The following ZMAT4 variants were observed in gnomAD, a reference collection of about 807,000 sequenced individuals.
ZMAT4 encodes zinc finger matrin-type 4.
A neutral mutation model predicts 28.7 loss-of-function variants in ZMAT4; 17 were observed. That is an observed-to-expected ratio of 0.59 (90% CI 0.41 to 0.89). The LOEUF is 0.89. ZMAT4 is among the 40% of genes least tolerant of loss of function. The probability of loss-of-function intolerance (pLI) is 0.00; values close to 1 mark genes in which losing one functional copy is unlikely to be tolerated. For synonymous variants in ZMAT4, 117 were observed against 109.2 expected (o/e 1.07, Z -0.44); for missense variants, 240 against 283.8 (o/e 0.85, Z 1.11).
chr8:40,896,437 G>A (rs1361487365), intron 1 of ZMAT4, among the ~76,000 whole-genome samples: 2 of 152,192 alleles, frequency 1.3e-5, no homozygotes, highest in African/African-American at 4.8e-5. Context: ...ATCAGCTTCA[G>A]AGTATCCCGC....
intron 5 of ZMAT4, among the ~76,000 whole-genome samples, chr8:40,603,729 C>T (rs535848058): frequency 1.2e-4 from 19 of 152,114 alleles, no homozygotes; most frequent in African/African-American, 3.4e-4. Context: ...CCAGAGTTCA[C>T]GCCATTCTCC....
At chr8:40,676,819 C>T (rs1808929656) in intron 4 of ZMAT4, among the ~76,000 whole-genome samples, 1 of 152,212 alleles carries the variant, frequency 6.6e-6, no homozygotes, top group African/African-American at 2.4e-5. Flanking sequence ...CATGTTATCA[C>T]CATGTAGAAA....
chr8:40,896,357 GGAAATCA>G (rs1490452587), intron 1 of ZMAT4, among the ~76,000 whole-genome samples: 1 of 152,116 alleles, frequency 6.6e-6, no homozygotes, highest in East Asian at 1.9e-4. Flanking sequence ...CGGGTTTAAC[GGAAATCA>G]GAGGGATGAA....
chr8:40,667,081 T>TAAAA, intron 5 of ZMAT4, among the ~76,000 whole-genome samples: 1 of 152,096 alleles, frequency 6.6e-6, no homozygotes, highest in East Asian at 1.9e-4. Flanking sequence ...AAAGATGCAG[T>TAAAA]ATTAAATCAT....
chr8:40,882,213 T>G (rs959476743), intron 1 of ZMAT4, among the ~76,000 whole-genome samples: 1 of 152,162 alleles, frequency 6.6e-6, no homozygotes, highest in Non-Finnish European at 1.5e-5. Context: ...TCGATAGGGT[T>G]TTCCCACAAA....
intron 2 of ZMAT4, among the ~76,000 whole-genome samples, chr8:40,801,359 TATATATATATATAC>T (rs2099060814): frequency 6.9e-6 from 1 of 144,216 alleles, no homozygotes; most frequent in African/African-American, 2.6e-5. Context: ...AAAATATATA[TATATATATATATAC>T]ATATATATAT....
chr8:40,721,122 T>TC (rs1257472432), intron 3 of ZMAT4, among the ~76,000 whole-genome samples: 1 of 105,856 alleles, frequency 9.4e-6, no homozygotes, highest in Non-Finnish European at 1.9e-5. Context: ...ATGCTATCCC[T>TC]CCCCCCTCCC....
Position 40,531,513 on chromosome 8 carries a change from A to T in ZMAT4, c.*710T>A, listed in dbSNP as rs998179605. 6 of 152,662 alleles carry T rather than the reference A, an allele frequency of 3.9e-5. No homozygotes were observed. Among genetic ancestry groups the T allele is most frequent in the African/African-American group, 1.4e-4 (6 of 41,456 alleles). The allele number at this position is 152,662 out of a possible 1,614,324, so 9.5% of individuals were successfully genotyped here. On this transcript the variant is annotated 3_prime_UTR_variant, in exon 7 of 7. Transcript: ENST00000297737. ...TGTGAAGACGTTTTTGCCTAAGAAG[A>T]TCATCATGCAGGCAGACTAATTCTT...
intron 2 of ZMAT4, among the ~76,000 whole-genome samples, chr8:40,774,702 T>C (rs1452934991): frequency 6.0e-5 from 9 of 150,816 alleles, no homozygotes; most frequent in Non-Finnish European, 1.5e-5. Flanking sequence ...ATATAATAAA[T>C]ATTAAAAGGC....
At chr8:40,837,372 C>A (rs1816533016) in intron 1 of ZMAT4, among the ~76,000 whole-genome samples, 1 of 152,290 alleles carries the variant, frequency 6.6e-6, no homozygotes, top group Non-Finnish European at 1.5e-5. Context: ...CTCCCTTTCC[C>A]CAACCCCTGG....
intron 5 of ZMAT4, among the ~76,000 whole-genome samples, chr8:40,606,040 CTTTACCTTCAG>C (rs1563363071): frequency 6.6e-6 from 1 of 152,114 alleles, no homozygotes; most frequent in Non-Finnish European, 1.5e-5. Flanking sequence ...TTTTCCACCC[CTTTACCTTCAG>C]TTTATGTGAG....
At chr8:40,680,481 C>G (rs1809107724) in intron 4 of ZMAT4, among the ~76,000 whole-genome samples, 1 of 152,058 alleles carries the variant, frequency 6.6e-6, no homozygotes, top group South Asian at 2.1e-4. Flanking sequence ...GGTGTTTCAA[C>G]CAAGAAGACA....
chr8:40,665,267 AC>A (rs35497759), intron 5 of ZMAT4, among the ~76,000 whole-genome samples: 79,827 of 151,826 alleles, frequency 0.53, 21,318 homozygotes, highest in Middle Eastern at 0.63. Flanking sequence ...AAGCCTCTCA[AC>A]CACCAGGTTC....
chr8:40,699,324 G>T (rs1481995737), intron 3 of ZMAT4, among the ~76,000 whole-genome samples: 1 of 152,110 alleles, frequency 6.6e-6, no homozygotes, highest in Non-Finnish European at 1.5e-5. Flanking sequence ...TTTAAAATTT[G>T]TGTACATTTG....
intron 2 of ZMAT4, among the ~76,000 whole-genome samples, chr8:40,774,609 A>T (rs971281768): frequency 2.6e-5 from 4 of 151,916 alleles, no homozygotes; most frequent in African/African-American, 7.2e-5. Flanking sequence ...AGAGGGATAA[A>T]TATTGTAATA....
At chr8:40,678,452 G>C (rs1809001674) in intron 4 of ZMAT4, among the ~76,000 whole-genome samples, 1 of 152,208 alleles carries the variant, frequency 6.6e-6, no homozygotes, top group African/African-American at 2.4e-5. Context: ...GCCATGACCA[G>C]AATGGTGTGC....
intron 3 of ZMAT4, among the ~76,000 whole-genome samples, chr8:40,714,035 T>C (rs1321840792): frequency 6.6e-6 from 1 of 150,900 alleles, no homozygotes; most frequent in Non-Finnish European, 1.5e-5. Context: ...CTAAGGAACA[T>C]AAAATTATTT....
intron 3 of ZMAT4, among the ~76,000 whole-genome samples, chr8:40,725,369 CA>C (rs780193635): frequency 6.6e-6 from 1 of 152,114 alleles, no homozygotes; most frequent in Non-Finnish European, 1.5e-5. Flanking sequence ...GGGCCTTCCT[CA>C]GGGGGGATAT....
At chr8:40,657,780 T>G (rs555746548) in intron 5 of ZMAT4, among the ~76,000 whole-genome samples, 1 of 152,328 alleles carries the variant, frequency 6.6e-6, no homozygotes, top group African/African-American at 2.4e-5. Context: ...GGCTTTCGCT[T>G]AAAGTCTCAG....
Sources: allele counts gnomAD v4.1 joint callset (sites outside exome capture counted in the v4.1 genomes callset), GRCh38; gene constraint gnomAD v4.1.1; transcripts MANE v1.5; gene names NCBI Gene and HGNC (gene_info 2026-07-23, HGNC 2026-07-21).